LMAN2: variants seen among roughly 807,000 people sequenced by gnomAD.
LMAN2 encodes lectin, mannose binding 2, also known as vesicular integral-membrane protein VIP36.
LMAN2 carries 22 observed loss-of-function variants against 39.3 expected under a neutral mutation model. The ratio of observed to expected loss-of-function variants is 0.56; its 90% CI spans 0.40 to 0.80. The LOEUF (loss-of-function observed/expected upper bound fraction) is 0.80. LMAN2 is among the 30% of genes least tolerant of loss of function. LMAN2 has a pLI of 0.00. For missense variants in LMAN2, 494 were observed against 505.4 expected (o/e 0.98, Z 0.22); for synonymous variants, 207 against 207.8 (o/e 1.00, Z 0.03).
At chr5:177,342,479 G>T (rs955003249) in intron 2 of LMAN2, among the ~76,000 whole-genome samples, 2 of 152,208 alleles carry the variant, frequency 1.3e-5, no homozygotes, top group African/African-American at 4.8e-5. Context: ...GAGCGCAGAA[G>T]TTCAAGACTA....
intron 6 of LMAN2, among the ~76,000 whole-genome samples, chr5:177,335,069 C>A (rs561159427): frequency 1.3e-5 from 2 of 152,210 alleles, no homozygotes; most frequent in African/African-American, 2.4e-5. Context: ...GGCTGAGGCT[C>A]AAAGCCGACA....
intron 2 of LMAN2, among the ~76,000 whole-genome samples, chr5:177,341,294 G>A (rs944932005): frequency 2.0e-5 from 3 of 150,680 alleles, no homozygotes; most frequent in South Asian, 2.1e-4. Flanking sequence ...TTGAACTCCC[G>A]ACCTAAGGTG....
intron 2 of LMAN2, among the ~76,000 whole-genome samples, chr5:177,345,177 C>CA (rs55947322): frequency 0.011 from 1,285 of 116,410 alleles, 13 homozygotes; most frequent in South Asian, 0.059. Context: ...CTACTTCTAC[C>CA]AAAAAAAAAA....
chr5:177,332,330 G>C lies in LMAN2; in HGVS notation c.911-84C>G, dbSNP rs1431147884. The C allele has an allele frequency of 3.8e-6, 5 of 1,327,356 alleles. No individual in the cohort carries two copies. Among genetic ancestry groups the C allele is most frequent in the Admixed American group, 4.2e-5 (2 of 48,150 alleles). The allele number at this position is 1,327,356 out of a possible 1,614,324, so 82.2% of individuals were successfully genotyped here. ...GCAGGAGGGCAGTGGGGATGGAACAGGACAGCCGGCCACGGTGGGCAGGCC... is the reference window on the plus strand; with the variant it reads ...GCAGGAGGGCAGTGGGGATGGAACACGACAGCCGGCCACGGTGGGCAGGCC... On this transcript the variant is annotated intron_variant, in intron 7 of 7. Coordinates refer to ENST00000303127, the MANE Select transcript of LMAN2 (RefSeq NM_006816.3). The surrounding 1 kb of genome is among the most constrained non-coding windows in gnomAD (Gnocchi z 6.3).
At chr5:177,342,751 A>T (rs554066390) in intron 2 of LMAN2, among the ~76,000 whole-genome samples, 1 of 152,186 alleles carries the variant, frequency 6.6e-6, no homozygotes, top group South Asian at 2.1e-4. Context: ...TAGGGAAAAA[A>T]TGTTCATGAC....
chr5:177,334,585 A>C, intron 6 of LMAN2, 182 bp from the exon 7 acceptor site: 1 of 672,074 alleles, frequency 1.5e-6, no homozygotes, highest in Non-Finnish European at 2.4e-6. Context: ...CCAGCAATAA[A>C]AAAGAGAGGA....
intron 2 of LMAN2, among the ~76,000 whole-genome samples, chr5:177,340,328 T>C (rs969830034): frequency 2.0e-5 from 3 of 152,176 alleles, no homozygotes; most frequent in Admixed American, 2.0e-4. Flanking sequence ...ATTTTTTCTT[T>C]CTTTTCAATT....
rs957966143 is a variant in LMAN2 at position 177,331,999 on chromosome 5, C to A, written c.*87G>T. The A allele has an allele frequency of 5.9e-5, 77 of 1,304,956 alleles. No homozygotes were observed. Among genetic ancestry groups the A allele is most frequent in the Non-Finnish European group, 8.0e-5 (76 of 952,790 alleles). 80.8% of individuals were successfully genotyped at this position (1,304,956 alleles called of 1,614,324 possible). On this transcript the variant is annotated 3_prime_UTR_variant, in exon 8 of 8. Transcript: ENST00000303127. ...ATTTGAAACAGTTAAGAAATAAGGTCATCTTGTTGTTCTTTTATAATCCCG... is the reference window on the plus strand; with the variant it reads ...ATTTGAAACAGTTAAGAAATAAGGTAATCTTGTTGTTCTTTTATAATCCCG...
chr5:177,337,044 C>T lies in LMAN2; in HGVS notation c.790+92G>A. 1 of 931,710 alleles carries T rather than the reference C, an allele frequency of 1.1e-6. No homozygotes were observed. The highest frequency in any genetic ancestry group is 2.0e-5 in the Admixed American group (1 of 50,856). The allele number at this position is 931,710 out of a possible 1,614,324, so 57.7% of individuals were successfully genotyped here. ...GAACACAGCCAGGTGAGCTCAGAAA[C>T]CACATGAAGGCAGGCAATCAACTGC... On this transcript the variant is annotated intron_variant, in intron 6 of 7. Coordinates refer to ENST00000303127, the MANE Select transcript of LMAN2 (RefSeq NM_006816.3). This position sits in a 1 kb window ranked among gnomAD's most constrained non-coding sequence, Gnocchi z 8.2.
chr5:177,337,521 C>G lies in LMAN2; in HGVS notation c.517G>C (p.Val173Leu). ...ACCATCACCGAGATGTACGGGAACA[C>G]GCGCTGGGACCAAGACATCGGTTAC... ...TYPNDETTERVFPYISVMVNN... is the reference protein window; with the variant it reads ...TYPNDETTERLFPYISVMVNN... The change falls in exon 5 of 8, where the codon GTG (valine) becomes CTG (leucine). Residue 173 changes from valine to leucine, a missense_variant. By Grantham distance (32) the Val-to-Leu change is conservative (BLOSUM62 1). Coordinates refer to ENST00000303127, the MANE Select transcript of LMAN2 (RefSeq NM_006816.3). This position sits in a 1 kb window ranked among gnomAD's most constrained non-coding sequence, Gnocchi z 8.2. The G allele has an allele frequency of 6.2e-7, 1 of 1,613,776 alleles. No individual in the cohort carries two copies. Among genetic ancestry groups the G allele is most frequent in the Admixed American group, 1.7e-5 (1 of 60,012 alleles).
chr5:177,335,749 G>C (rs1561603663), intron 6 of LMAN2, among the ~76,000 whole-genome samples: 1 of 152,200 alleles, frequency 6.6e-6, no homozygotes, highest in African/African-American at 2.4e-5. Context: ...GCGGACCCAA[G>C]CACTTCCATG....
At position 177,331,733 on chromosome 5, in the gene LMAN2, C is replaced by CA. The variant is rs892355054; in HGVS notation, c.*352dup. The CA allele has an allele frequency of 5.3e-6, 1 of 187,878 alleles. No homozygotes were observed. Among genetic ancestry groups the CA allele is most frequent in the Admixed American group, 5.7e-5 (1 of 17,406 alleles). The allele number at this position is 187,878 out of a possible 1,614,324, so 11.6% of individuals were successfully genotyped here. A position where few individuals can be genotyped will look rare whatever the true frequency, so the allele number is the denominator to read the frequency against. Reference sequence around the variant, plus strand: ...GCCACACGTGCCACACACCACAAAACAAAATCACTTCCCCACGTCCTCAGG... The same window carrying CA: ...GCCACACGTGCCACACACCACAAAACAAAAATCACTTCCCCACGTCCTCAGG... On this transcript the variant is annotated 3_prime_UTR_variant, in exon 8 of 8. Coordinates refer to ENST00000303127, the MANE Select transcript of LMAN2 (RefSeq NM_006816.3).
intron 6 of LMAN2, among the ~76,000 whole-genome samples, chr5:177,335,492 C>T (rs1254961784): frequency 2.0e-5 from 3 of 152,206 alleles, no homozygotes; most frequent in African/African-American, 7.2e-5. Flanking sequence ...CTGGGCTCTC[C>T]CAACAGCTGT....
At chr5:177,345,150 G>A (rs1454957892) in intron 2 of LMAN2, among the ~76,000 whole-genome samples, 2 of 148,138 alleles carry the variant, frequency 1.4e-5, no homozygotes, top group African/African-American at 5.0e-5. Context: ...GACCAGCCTA[G>A]TCAACATGGT....
chr5:177,341,301 G>A (rs902812256), intron 2 of LMAN2, among the ~76,000 whole-genome samples: 48 of 150,378 alleles, frequency 3.2e-4, no homozygotes, highest in African/African-American at 1.2e-3. Flanking sequence ...CCCGACCTAA[G>A]GTGATCCGCC....
intron 2 of LMAN2, among the ~76,000 whole-genome samples, chr5:177,340,469 T>C (rs943472588): frequency 1.3e-5 from 2 of 152,140 alleles, no homozygotes; most frequent in African/African-American, 2.4e-5. Flanking sequence ...GGAGTGTCTA[T>C]TGTTCTCCTT....
intron 2 of LMAN2, among the ~76,000 whole-genome samples, chr5:177,341,770 T>C (rs1424030048): frequency 6.6e-6 from 1 of 152,222 alleles, no homozygotes; most frequent in Non-Finnish European, 1.5e-5. Context: ...CAATGGGTTG[T>C]GTGATTTAAA....
At chr5:177,344,239 T>C (rs1297969398) in intron 2 of LMAN2, among the ~76,000 whole-genome samples, 2 of 151,458 alleles carry the variant, frequency 1.3e-5, no homozygotes, top group East Asian at 3.9e-4. Context: ...AAAAAAATTT[T>C]TTTTTAATTT....
Position 177,351,243 on chromosome 5 carries a change from A to C in LMAN2, c.245T>G (p.Met82Arg). ...MPLWDFQGST[M>R]LTSQYVRLTP... The stretch of plus-strand genomic sequence containing the variant: ...CAGACGTACGTACTGGCTCGTGAGC[A>C]TAGTGCTGCCCTGGAAGTCCCAGAG... Residue 82 changes from methionine to arginine, a missense_variant, in exon 2 of 8, where the codon ATG becomes AGG. Transcript: ENST00000303127. 1 of 1,614,152 alleles carries C rather than the reference A, an allele frequency of 6.2e-7. No homozygotes were observed. The highest frequency in any genetic ancestry group is 8.5e-7 in the Non-Finnish European group (1 of 1,180,034).
Sources: gnomAD v4.1 joint callset for allele counts (sites outside exome capture counted in the v4.1 genomes callset) on GRCh38, gnomAD v4.1.1 for gene constraint, Gnocchi (gnomAD v3.1) non-coding constraint, MANE v1.5 for transcripts, NCBI Gene and HGNC (gene_info 2026-07-23, HGNC 2026-07-21) for gene names.